MANBA: variants seen among roughly 807,000 people sequenced by gnomAD.
MANBA encodes the protein beta-mannosidase.
In MANBA, 83 loss-of-function variants were observed where a neutral mutation model predicts 111.1. The ratio of observed to expected loss-of-function variants is 0.75; its 90% CI spans 0.63 to 0.90. MANBA has a LOEUF of 0.90. Ranked by LOEUF, MANBA falls within the 40% of genes least tolerant of loss-of-function variation. The probability of loss-of-function intolerance (pLI) is 0.00; values close to 1 mark genes in which losing one functional copy is unlikely to be tolerated. For synonymous variants in MANBA, 370 were observed against 378.7 expected (o/e 0.98, Z 0.27); for missense variants, 1,036 against 1,069.0 (o/e 0.97, Z 0.43).
chr4:102,759,352 G>T (rs1724148199), intron 1 of MANBA, among the ~76,000 whole-genome samples: 3 of 152,044 alleles, frequency 2.0e-5, no homozygotes, highest in Middle Eastern at 6.8e-3. Context: ...GTAAAATCAG[G>T]CAAGGAGGAA....
rs552471904 is a variant in MANBA, at chr4:102,652,595, A to C, written c.1705-1894T>G. On this transcript the variant is annotated intron_variant, in intron 12 of 16. Coordinates refer to ENST00000647097, the MANE Select transcript of MANBA (RefSeq NM_005908.4). ...AAAAAAGAATATTAACTTATTTGGTACTCATAAAAACCCGGCCGGATGCAG... is the reference window on the plus strand; with the variant it reads ...AAAAAAGAATATTAACTTATTTGGTCCTCATAAAAACCCGGCCGGATGCAG... Among the ~76,000 whole-genome samples the C allele has an allele frequency of 6.0e-4, 92 of 152,270 alleles. 1 individual carries two copies. The highest frequency in any genetic ancestry group is 2.1e-3 in the African/African-American group (89 of 41,552).
At chr4:102,714,614 A>C in intron 4 of MANBA, 53 bp from the exon 5 acceptor site, 1 of 1,541,934 alleles carries the variant, frequency 6.5e-7, no homozygotes, top group South Asian at 1.1e-5. Context: ...TGAAATTTAA[A>C]CATTATGAAA....
intron 5 of MANBA, among the ~76,000 whole-genome samples, chr4:102,703,464 C>T (rs1733154903): frequency 1.3e-5 from 2 of 152,200 alleles, no homozygotes; most frequent in South Asian, 4.1e-4. Flanking sequence ...GACGAGTCTG[C>T]CTTTGCAGGA....
At position 102,650,645 on chromosome 4, in the gene MANBA, ATGT is replaced by A. The variant is rs746021252; in HGVS notation, c.1758_1760del (p.Gln586del). Reference sequence around the variant, plus strand: ...GCATTTGTTTGTTACCACCTTCGTGATGTTGTCGATGAAGTGAAAACTTGCTAT... The same window carrying A: ...GCATTTGTTTGTTACCACCTTCGTGATGTCGATGAAGTGAAAACTTGCTAT... On this transcript the variant is annotated inframe_deletion, in exon 13 of 17. Coordinates refer to ENST00000647097, the MANE Select transcript of MANBA (RefSeq NM_005908.4). The A allele has an allele frequency of 9.9e-6, 16 of 1,613,408 alleles. No homozygotes were observed. The highest frequency in any genetic ancestry group is 9.3e-6 in the Non-Finnish European group (11 of 1,179,426).
intron 1 of MANBA, among the ~76,000 whole-genome samples, chr4:102,759,111 T>C (rs567326922): frequency 1.3e-5 from 2 of 151,790 alleles, no homozygotes; most frequent in East Asian, 3.9e-4. Flanking sequence ...CCACTCATTA[T>C]TTCCCATTGG....
chr4:102,728,530 G>A, intron 1 of MANBA: 1 of 375,112 alleles, frequency 2.7e-6, no homozygotes, highest in Non-Finnish European at 5.1e-6. Context: ...TGTTGGCAGA[G>A]CTAGCAGAGG....
In MANBA at chr4:102,752,261, G is replaced by T. The variant is rs1723836977; in HGVS notation, c.177+8457C>A. On this transcript the variant is annotated intron_variant, in intron 1 of 16. Coordinates refer to ENST00000647097, the MANE Select transcript of MANBA (RefSeq NM_005908.4). ...GTCTGACAGTCTGAAGGCAAGCTTT[G>T]ACAGGAAATAAAGTGCTTAATTGTA... 2.5e-6 allele frequency: 3 copies of T among 1,208,882 alleles called. No individual in the cohort carries two copies. The East Asian group carries it at 7.0e-5, about 28-fold the overall frequency. 74.9% of individuals were successfully genotyped at this position (1,208,882 alleles called of 1,614,324 possible).
rs1223931351 is a variant in MANBA at position 102,673,921 on chromosome 4, C to T, written c.1110G>A (p.Glu370=). The change falls in exon 8 of 17, where the codon GAG becomes GAA. Residue 370 remains glutamate (E), a splice_region_variant and synonymous_variant. Transcript: ENST00000647097. The part of the protein sequence containing the change: ...ADSFQDRVTS[E]LLRLLLQSVV... ...AGAAAAGAAAGACAATAACTTACAACTCAGAGGTTACTCGGTCCTGGAATG... is the reference window on the plus strand; with the variant it reads ...AGAAAAGAAAGACAATAACTTACAATTCAGAGGTTACTCGGTCCTGGAATG... The T allele has an allele frequency of 2.5e-6, 4 of 1,608,982 alleles. No individual in the cohort carries two copies. Among genetic ancestry groups the T allele is most frequent in the East Asian group, 2.2e-5 (1 of 44,830 alleles).
intron 1 of MANBA, among the ~76,000 whole-genome samples, chr4:102,745,675 T>C (rs1723560223): frequency 6.6e-6 from 1 of 152,122 alleles, no homozygotes; most frequent in South Asian, 2.1e-4. Flanking sequence ...TTAGAACCAT[T>C]AAAACCTTTT....
At chr4:102,641,163 G>A (rs1305420153) in intron 13 of MANBA, among the ~76,000 whole-genome samples, 1 of 152,156 alleles carries the variant, frequency 6.6e-6, no homozygotes, top group Admixed American at 6.5e-5. Context: ...AAAAGAAGAG[G>A]AATGGGAAAA....
chr4:102,641,798 T>C (rs1481889028), intron 13 of MANBA, among the ~76,000 whole-genome samples: 2 of 152,074 alleles, frequency 1.3e-5, no homozygotes, highest in Non-Finnish European at 2.9e-5. Context: ...GTAAAACTTA[T>C]TAGTTCCTTA....
intron 1 of MANBA, 112 bp from the exon 2 acceptor site, chr4:102,726,795 C>A (rs112401359): frequency 1.5e-6 from 1 of 685,432 alleles, no homozygotes. Context: ...TAAAAATTAA[C>A]GAACTTTTAG....
At chr4:102,735,959 G>T (rs1477740099) in intron 1 of MANBA, among the ~76,000 whole-genome samples, 1 of 152,156 alleles carries the variant, frequency 6.6e-6, no homozygotes, top group African/African-American at 2.4e-5. Flanking sequence ...ACCAAGGTCT[G>T]AATTTTTTGG....
At chr4:102,709,632 C>G (rs184664128) in intron 5 of MANBA, among the ~76,000 whole-genome samples, 27 of 152,250 alleles carry the variant, frequency 1.8e-4, no homozygotes, top group Non-Finnish European at 3.8e-4. Context: ...ATAATTCTCT[C>G]TAACTCATTC....
chr4:102,675,057 T>C (rs761478513), intron 7 of MANBA, among the ~76,000 whole-genome samples: 36 of 152,358 alleles, frequency 2.4e-4, no homozygotes, highest in Non-Finnish European at 4.1e-4. Context: ...TGACACGCGA[T>C]GATCACTCCT....
intron 12 of MANBA, among the ~76,000 whole-genome samples, chr4:102,657,224 G>A (rs1350263888): frequency 1.6e-5 from 2 of 122,692 alleles, no homozygotes; most frequent in East Asian, 5.9e-4. Flanking sequence ...GAGTGGGGTG[G>A]GGGGGGGGTG....
chr4:102,697,434 C>G (rs1011289791), intron 5 of MANBA, among the ~76,000 whole-genome samples: 1 of 151,686 alleles, frequency 6.6e-6, no homozygotes, highest in Non-Finnish European at 1.5e-5. Context: ...TATACATGTG[C>G]CATGCTGGTG....
intron 7 of MANBA, 35 bp downstream of exon 7, chr4:102,689,539 A>C: frequency 7.5e-7 from 1 of 1,335,136 alleles, no homozygotes; most frequent in South Asian, 1.2e-5. Context: ...AAGAAATAAA[A>C]TTATTTCACA....
At chr4:102,642,101 C>A (rs1201391392) in intron 13 of MANBA, among the ~76,000 whole-genome samples, 1 of 151,608 alleles carries the variant, frequency 6.6e-6, no homozygotes, top group Non-Finnish European at 1.5e-5. Context: ...AGGCTATTGC[C>A]CACTAAACTT....
Sources: gnomAD v4.1 joint callset for allele counts (sites outside exome capture counted in the v4.1 genomes callset) on GRCh38, gnomAD v4.1.1 for gene constraint, MANE v1.5 for transcripts, NCBI Gene and HGNC (gene_info 2026-07-23, HGNC 2026-07-21) for gene names.